Variants in RBM17 observed in about 807,000 individuals in gnomAD.
RBM17 encodes splicing factor 45.
A neutral mutation model predicts 53.2 loss-of-function variants in RBM17; 7 were observed. The ratio of observed to expected loss-of-function variants is 0.13; its 90% CI spans 0.07 to 0.25. The LOEUF is 0.25. RBM17 is among the 10% of genes least tolerant of loss of function. The probability of loss-of-function intolerance (pLI) is 1.00; values close to 1 mark genes in which losing one functional copy is unlikely to be tolerated. For synonymous variants in RBM17, 167 were observed against 178.1 expected (o/e 0.94, Z 0.50); for missense variants, 257 against 496.7 (o/e 0.52, Z 4.59).
At chr10:6,091,084 GAGTCTCACTCTATAGTCC>G (rs1214054116) in intron 1 of RBM17, among the ~76,000 whole-genome samples, 6 of 148,002 alleles carry the variant, frequency 4.1e-5, no homozygotes, top group Admixed American at 2.7e-4. Flanking sequence ...TCCTGAGACA[GAGTCTCACTCTATAGTCC>G]AGGCTGGAGT....
Position 6,116,584 on chromosome 10 carries a change from C to T in RBM17, c.*1028C>T, listed in dbSNP as rs1331394664. ...TCATTGCCAGGGCAGGAGGTATTTC[C>T]AGAAAATACTCATGCCTGTGTTCTG... On this transcript the variant is annotated 3_prime_UTR_variant, in exon 12 of 12. Transcript: ENST00000379888. 2 of 152,238 alleles carry T rather than the reference C, an allele frequency of 1.3e-5. No individual in the cohort carries two copies. The highest frequency in any genetic ancestry group is 2.9e-5 in the Non-Finnish European group (2 of 68,030). 9.4% of individuals were successfully genotyped at this position (152,238 alleles called of 1,614,324 possible). A position where few individuals can be genotyped will look rare whatever the true frequency, so the allele number is the denominator to read the frequency against.
chr10:6,108,871 T>A (rs1588349968), intron 6 of RBM17, 129 bp downstream of exon 6: 1 of 49,794 alleles, frequency 2.0e-5, no homozygotes, highest in East Asian at 2.2e-4. Flanking sequence ...CCTGGCTCTG[T>A]CACCTGAGGC....
At position 6,112,387 on chromosome 10, in the gene RBM17, T is replaced by G. The variant is rs760944157; in HGVS notation, c.856+26T>G. On this transcript the variant is annotated intron_variant, in intron 8 of 11. Transcript: ENST00000379888. The surrounding 1 kb of genome is among the most constrained non-coding windows in gnomAD (Gnocchi z 4.4). ...GTGTGTCCCCAGGGAAGCGTGTGAC[T>G]AGAGGGAAAGGACTGGCCCCATCCA... 6.6e-5 allele frequency: 106 copies of G among 1,612,740 alleles called. 1 individual carries two copies. The South Asian group carries it at 1.2e-3, about 18-fold the overall frequency.
intron 10 of RBM17, 112 bp from the exon 11 acceptor site, chr10:6,115,127 G>T: frequency 1.2e-6 from 1 of 806,866 alleles, no homozygotes; most frequent in South Asian, 1.8e-5. Flanking sequence ...ACAACTACTT[G>T]ACTGTATATG....
chr10:6,099,122 T>C (rs946999541), intron 2 of RBM17, among the ~76,000 whole-genome samples: 1 of 152,116 alleles, frequency 6.6e-6, no homozygotes, highest in Non-Finnish European at 1.5e-5. Flanking sequence ...ATAAAATCTT[T>C]GTAGATTTCA....
intron 2 of RBM17, 150 bp downstream of exon 2, chr10:6,097,338 A>G: frequency 1.3e-6 from 1 of 759,196 alleles, no homozygotes; most frequent in Admixed American, 2.8e-5. Context: ...GAGGAGTTTA[A>G]GGCCACTTTG....
intron 7 of RBM17, among the ~76,000 whole-genome samples, chr10:6,111,030 A>G (rs41295361): frequency 0.018 from 2,813 of 152,366 alleles, 55 homozygotes; most frequent in South Asian, 0.069. Flanking sequence ...CAGGAATTAC[A>G]TCTTTAACTT....
intron 1 of RBM17, among the ~76,000 whole-genome samples, chr10:6,095,504 G>A (rs1840558509): frequency 6.6e-6 from 1 of 152,122 alleles, no homozygotes; most frequent in East Asian, 1.9e-4. Flanking sequence ...GTGAGCCACC[G>A]TGCCTGACCA....
At chr10:6,099,343 G>A (rs987224742) in intron 2 of RBM17, among the ~76,000 whole-genome samples, 1 of 151,694 alleles carries the variant, frequency 6.6e-6, no homozygotes, top group Non-Finnish European at 1.5e-5. Flanking sequence ...CAGAATACTA[G>A]ATTGGCCTAG....
intron 2 of RBM17, among the ~76,000 whole-genome samples, chr10:6,100,751 G>A (rs1424500292): frequency 2.0e-5 from 3 of 152,160 alleles, no homozygotes; most frequent in African/African-American, 7.2e-5. Context: ...AATGACATGG[G>A]AATTAGTGAT....
intron 1 of RBM17, among the ~76,000 whole-genome samples, chr10:6,093,342 T>C (rs1334672124): frequency 6.6e-6 from 1 of 152,114 alleles, no homozygotes; most frequent in Non-Finnish European, 1.5e-5. Flanking sequence ...CCCTCTTGTC[T>C]CAGCTGGGAC....
At chr10:6,093,037 T>C (rs772386102) in intron 1 of RBM17, among the ~76,000 whole-genome samples, 5 of 152,184 alleles carry the variant, frequency 3.3e-5, no homozygotes, top group African/African-American at 1.2e-4. Context: ...ATATTGAATC[T>C]ATTGATGGAA....
rs1840665697 is a variant in RBM17, at chr10:6,101,257, T to G, written c.124-14T>G. The G allele has an allele frequency of 1.3e-6, 2 of 1,540,376 alleles. No homozygotes were observed. On this transcript the variant is annotated splice_polypyrimidine_tract_variant and intron_variant, in intron 2 of 11. Transcript: ENST00000379888. The stretch of plus-strand genomic sequence containing the variant: ...GAAACTTCAGTATGTTTTCCTTGTT[T>G]TTGATGATTTTAGAGCCAAAGGACG...
At chr10:6,096,326 A>C (rs1487830817) in intron 1 of RBM17, among the ~76,000 whole-genome samples, 1 of 152,126 alleles carries the variant, frequency 6.6e-6, no homozygotes, top group African/African-American at 2.4e-5. Flanking sequence ...CTGGGCTTTC[A>C]TGGGACCTGC....
Position 6,115,446 on chromosome 10 carries a change from C to CT in RBM17, c.1103-4dup. 6.2e-7 allele frequency: 1 copy of CT among 1,606,486 alleles called. No individual in the cohort carries two copies. The highest frequency in any genetic ancestry group is 8.5e-7 in the Non-Finnish European group (1 of 1,173,060). On this transcript the variant is annotated splice_polypyrimidine_tract_variant and splice_region_variant and intron_variant, in intron 11 of 11. Transcript: ENST00000379888. ...CCTGTATTAACTGTCTTTTGTTTGC[C>CT]TTTCAGCGGTTGTTGACTTGAATGG... is the stretch of plus-strand genomic sequence containing the variant.
In RBM17 at chr10:6,110,056, C is replaced by T. The variant is rs779994101; in HGVS notation, c.633C>T (p.Pro211=). The T allele has an allele frequency of 6.2e-7, 1 of 1,612,958 alleles. No individual in the cohort carries two copies. Among genetic ancestry groups the T allele is most frequent in the African/African-American group, 1.3e-5 (1 of 74,872 alleles). ...AGTCTTCCAAAGCAGCCATTCCTCC[C>T]CCAGTGTACGAGGAACAAGACAGAC... ...RSQSSKAAIP[P]PVYEEQDRPR... The change falls in exon 7 of 12, where the codon CCC becomes CCT. Residue 211 remains proline, a synonymous_variant. Transcript: ENST00000379888.
At position 6,101,179 on chromosome 10, in the gene RBM17, G is replaced by A; in HGVS notation, c.124-92G>A. ...TGGTTTTCTCATATCTCAAAGGTTT[G>A]TTGCAGGGACCAGAAAGAAAATCTT... is the stretch of plus-strand genomic sequence containing the variant. On this transcript the variant is annotated intron_variant, in intron 2 of 11. Coordinates refer to ENST00000379888, the MANE Select transcript of RBM17 (RefSeq NM_032905.5). 4.5e-6 allele frequency: 3 copies of A among 660,734 alleles called. No individual in the cohort carries two copies. In the South Asian group the frequency reaches 7.1e-5, roughly 16 times the overall value. 40.9% of individuals were successfully genotyped at this position (660,734 alleles called of 1,614,324 possible). A position where few individuals can be genotyped will look rare whatever the true frequency, so the allele number is the denominator to read the frequency against.
In RBM17 at chr10:6,114,718, GTATTCTGA is replaced by G. The variant is rs1213882287; in HGVS notation, c.1030-519_1030-512del. ...GAACAGGTGGGATTTGCAGGGAAGG[GTATTCTGA>G]TTGGGATAATGGCTCGTAGGAGACA... On this transcript the variant is annotated intron_variant, in intron 10 of 11. Transcript: ENST00000379888. 4 of 158,608 alleles carry G rather than the reference GTATTCTGA, an allele frequency of 2.5e-5. No individual in the cohort carries two copies. The East Asian group carries it at 7.5e-4, about 30-fold the overall frequency. The allele number at this position is 158,608 out of a possible 1,614,324, so 9.8% of individuals were successfully genotyped here.
Position 6,089,705 on chromosome 10 carries a change from C to A in RBM17, c.-19+512C>A, listed in dbSNP as rs1417642134. On this transcript the variant is annotated intron_variant, in intron 1 of 11. Coordinates refer to ENST00000379888, the MANE Select transcript of RBM17 (RefSeq NM_032905.5). This position sits in a 1 kb window ranked among gnomAD's most constrained non-coding sequence, Gnocchi z 5.6. ...CCCGGGACAGGAATGCAGCCCTAAC[C>A]CCGGCGTCGCCTCGGCTCGTGCAGT... 4.6e-5 allele frequency: 7 copies of A among 152,400 alleles called. No homozygotes were observed. Among genetic ancestry groups the A allele is most frequent in the African/African-American group, 7.2e-5 (3 of 41,440 alleles). The allele number at this position is 152,400 out of a possible 1,614,324, so 9.4% of individuals were successfully genotyped here. A position where few individuals can be genotyped will look rare whatever the true frequency, so the allele number is the denominator to read the frequency against.
Sources: allele counts gnomAD v4.1 joint callset (sites outside exome capture counted in the v4.1 genomes callset), GRCh38; gene constraint gnomAD v4.1.1; non-coding constraint Gnocchi (gnomAD v3.1); transcripts MANE v1.5; gene names NCBI Gene and HGNC (gene_info 2026-07-23, HGNC 2026-07-21).